The following TCEA1 variants were observed in gnomAD, a reference collection of about 807,000 sequenced individuals.
The protein encoded by TCEA1 is transcription elongation factor A1, also known as transcription elongation factor A protein 1.
Under a neutral mutation model 43.8 loss-of-function variants are expected in TCEA1, and 21 were observed. The observed-to-expected ratio is 0.48, with a 90% CI of 0.34 to 0.69. TCEA1 has a LOEUF of 0.69. Ranked by LOEUF, TCEA1 falls within the 30% of genes least tolerant of loss-of-function variation. TCEA1 has a pLI of 0.01. For synonymous variants in TCEA1, 104 were observed against 117.5 expected, an observed-to-expected ratio of 0.88 and a Z score of 0.75; for missense variants, 250 against 365.1, an observed-to-expected ratio of 0.68 and a Z score of 2.57.
chr8:54,015,358 T>C (rs905691575), intron 1 of TCEA1, among the ~76,000 whole-genome samples: 2 of 151,988 alleles, frequency 1.3e-5, no homozygotes, highest in African/African-American at 4.8e-5. Context: ...TCAGTAGAGA[T>C]GGGGTTTCAC....
At chr8:53,978,032 A>G (rs1803385773) in intron 8 of TCEA1, among the ~76,000 whole-genome samples, 2 of 152,208 alleles carry the variant, frequency 1.3e-5, no homozygotes. Context: ...ATTTTGACAT[A>G]GCTTTCATAG....
In TCEA1 at chr8:53,978,364, G is replaced by C. The variant is rs1391264513; in HGVS notation, c.825+661C>G. The stretch of plus-strand genomic sequence containing the variant: ...CCATGGTTTCAGTTATCTATGGTCT[G>C]AAAATATTAAATGAAAAATTCCAGA... On this transcript the variant is annotated intron_variant, in intron 8 of 9. Coordinates refer to ENST00000521604, the MANE Select transcript of TCEA1 (RefSeq NM_006756.4). Among the ~76,000 whole-genome samples the C allele has an allele frequency of 3.3e-5, 5 of 152,166 alleles. No individual in the cohort carries two copies. The East Asian group carries it at 9.6e-4, about 29-fold the overall frequency.
At chr8:53,985,325 T>C (rs1563478556) in intron 6 of TCEA1, among the ~76,000 whole-genome samples, 1 of 152,190 alleles carries the variant, frequency 6.6e-6, no homozygotes, top group African/African-American at 2.4e-5. Flanking sequence ...CCTAGTCATG[T>C]TTTATTTCCT....
chr8:53,974,123 A>T lies in TCEA1; in HGVS notation c.826-3660T>A, dbSNP rs149193957. 4.3e-4 allele frequency: 67 copies of T among 155,532 alleles called. No individual in the cohort carries two copies. In the East Asian group the frequency reaches 0.013, roughly 30 times the overall value. The allele number at this position is 155,532 out of a possible 1,614,324, so 9.6% of individuals were successfully genotyped here. On this transcript the variant is annotated intron_variant, in intron 8 of 9. Transcript: ENST00000521604. ...ACCAGGGAGGTGGGGGTTTCGGTGA[A>T]GTCCACTGATCCTGCCTTGTCAATG...
At chr8:53,998,087 T>C (rs573789174) in intron 3 of TCEA1, among the ~76,000 whole-genome samples, 1 of 152,346 alleles carries the variant, frequency 6.6e-6, no homozygotes, top group African/African-American at 2.4e-5. Context: ...ATGAATTTGA[T>C]AAAAATCTGA....
At chr8:53,997,700 A>C (rs1182697839) in intron 3 of TCEA1, among the ~76,000 whole-genome samples, 1 of 152,222 alleles carries the variant, frequency 6.6e-6, no homozygotes, top group Non-Finnish European at 1.5e-5. Context: ...AGAGTCCAAG[A>C]CCAGCCTTAG....
chr8:54,010,407 C>T lies in TCEA1; in HGVS notation c.126+23G>A, dbSNP rs757244354. 20 of 1,575,632 alleles carry T rather than the reference C, an allele frequency of 1.3e-5. No homozygotes were observed. In the African/African-American group the frequency reaches 2.3e-4, roughly 18 times the overall value. Reference sequence around the variant, plus strand: ...TTATGACGACTACCTATTAAAAAAACTTTGATGCATAAAAGCACATACCTG... The same window carrying T: ...TTATGACGACTACCTATTAAAAAAATTTTGATGCATAAAAGCACATACCTG... On this transcript the variant is annotated intron_variant, in intron 2 of 9. Coordinates refer to ENST00000521604, the MANE Select transcript of TCEA1 (RefSeq NM_006756.4).
intron 1 of TCEA1, among the ~76,000 whole-genome samples, chr8:54,016,978 C>CAAAAAAA (rs1159105172): frequency 3.0e-5 from 2 of 67,404 alleles, no homozygotes; most frequent in Non-Finnish European, 7.0e-5. Context: ...GACTCCGTCT[C>CAAAAAAA]AAAAAAAAAA....
intron 9 of TCEA1, among the ~76,000 whole-genome samples, chr8:53,969,299 A>G (rs1803084760): frequency 6.6e-6 from 1 of 152,162 alleles, no homozygotes; most frequent in South Asian, 2.1e-4. Flanking sequence ...CAAAAAAATT[A>G]ATGAATAAAT....
chr8:53,979,522 A>C (rs1330261069), intron 7 of TCEA1, among the ~76,000 whole-genome samples: 2 of 152,204 alleles, frequency 1.3e-5, no homozygotes, highest in Non-Finnish European at 2.9e-5. Context: ...GGCACAGGCC[A>C]AGTTAACCAT....
intron 4 of TCEA1, among the ~76,000 whole-genome samples, chr8:53,991,781 G>T (rs1263365094): frequency 6.6e-6 from 1 of 151,416 alleles, no homozygotes; most frequent in Middle Eastern, 3.2e-3. Flanking sequence ...AAACTAAACG[G>T]ATATAACGTT....
intron 3 of TCEA1, among the ~76,000 whole-genome samples, chr8:53,999,471 T>C (rs575290769): frequency 2.0e-5 from 3 of 152,188 alleles, no homozygotes; most frequent in South Asian, 4.1e-4. Context: ...AAGAGCATGA[T>C]ATATTCAACC....
chr8:54,003,647 A>G (rs978545459), intron 2 of TCEA1, among the ~76,000 whole-genome samples: 12 of 152,312 alleles, frequency 7.9e-5, no homozygotes, highest in Middle Eastern at 3.4e-3. Flanking sequence ...ATCCACATGT[A>G]AAAGAATAAA....
chr8:53,989,348 T>A (rs1157878153), intron 4 of TCEA1, among the ~76,000 whole-genome samples: 1 of 152,214 alleles, frequency 6.6e-6, no homozygotes, highest in Non-Finnish European at 1.5e-5. Context: ...CTTTATCACA[T>A]TGAAAACAGC....
chr8:54,010,270 G>C (rs922394884), intron 2 of TCEA1, 160 bp downstream of exon 2: 10 of 595,724 alleles, frequency 1.7e-5, no homozygotes, highest in African/African-American at 3.9e-5. Flanking sequence ...TGGCAACTTA[G>C]TAGATTATTG....
chr8:54,018,171 T>A (rs534538651), intron 1 of TCEA1, among the ~76,000 whole-genome samples: 16 of 152,310 alleles, frequency 1.1e-4, no homozygotes, highest in African/African-American at 3.8e-4. Context: ...GAAATGTAAA[T>A]CAATATTTCA....
At chr8:54,003,305 C>G (rs569603298) in intron 2 of TCEA1, among the ~76,000 whole-genome samples, 1 of 152,304 alleles carries the variant, frequency 6.6e-6, no homozygotes, top group South Asian at 2.1e-4. Context: ...AGTCGAACTA[C>G]TGACTCAATG....
At chr8:53,977,997 T>A (rs1173412982) in intron 8 of TCEA1, among the ~76,000 whole-genome samples, 5 of 152,220 alleles carry the variant, frequency 3.3e-5, no homozygotes, top group African/African-American at 1.2e-4. Flanking sequence ...AACATGGTCA[T>A]TTTATTAATT....
intron 9 of TCEA1, 76 bp downstream of exon 9, chr8:53,970,316 G>T: frequency 1.0e-6 from 1 of 966,860 alleles, no homozygotes; most frequent in Non-Finnish European, 1.7e-6. Flanking sequence ...AGATATCTAG[G>T]CAGACCTATG....
Sources: allele counts gnomAD v4.1 joint callset (sites outside exome capture counted in the v4.1 genomes callset), GRCh38; gene constraint gnomAD v4.1.1; transcripts MANE v1.5; gene names NCBI Gene and HGNC (gene_info 2026-07-23, HGNC 2026-07-21).